TMEM135: variants seen among roughly 807,000 people sequenced by gnomAD.
TMEM135 encodes the protein transmembrane protein 135.
TMEM135 carries 30 observed loss-of-function variants against 60.3 expected under a neutral mutation model. The ratio of observed to expected loss-of-function variants is 0.50; its 90% confidence interval spans 0.37 to 0.68. The LOEUF (loss-of-function observed/expected upper bound fraction) is 0.68, where lower values mean the gene tolerates loss of function less well. Among genes scored for constraint, TMEM135 ranks in the 30% least tolerant of loss-of-function variants. The probability of loss-of-function intolerance (pLI) is 0.00; values close to 1 mark genes in which losing one functional copy is unlikely to be tolerated. For synonymous variants in TMEM135, 190 were observed against 186.7 expected (o/e 1.02, Z -0.14); for missense variants, 468 against 548.8 (o/e 0.85, Z 1.47).
rs987964153 is a variant in TMEM135 at position 87,322,448 on chromosome 11, G to A, written c.*1115G>A. 8.8e-6 allele frequency: 4 copies of A among 453,830 alleles called. No individual in the cohort carries two copies. Among genetic ancestry groups the A allele is most frequent in the African/African-American group, 6.0e-5 (3 of 49,970 alleles). 28.1% of individuals were successfully genotyped at this position (453,830 alleles called of 1,614,324 possible). A position where few individuals can be genotyped will look rare whatever the true frequency, so the allele number is the denominator to read the frequency against. On this transcript the variant is annotated 3_prime_UTR_variant, in exon 15 of 15. Coordinates refer to ENST00000305494, the MANE Select transcript of TMEM135 (RefSeq NM_022918.4). ...TAGAATAAAGAGGTGACACCATAAA[G>A]TCCTGCTGATAATGAGAGTAGTTCA...
intron 5 of TMEM135, among the ~76,000 whole-genome samples, chr11:87,214,311 T>A (rs1358157861): frequency 6.6e-6 from 1 of 152,206 alleles, no homozygotes; most frequent in Admixed American, 6.5e-5. Context: ...CCTGGTACCT[T>A]GCCAGTGCAA....
At chr11:87,136,745 A>G (rs918615708) in intron 4 of TMEM135, among the ~76,000 whole-genome samples, 4 of 151,938 alleles carry the variant, frequency 2.6e-5, no homozygotes, top group Admixed American at 2.0e-4. Context: ...CTTCCAAGCA[A>G]TTTGTCCATT....
At chr11:87,098,699 A>T (rs10898597) in intron 4 of TMEM135, among the ~76,000 whole-genome samples, 31,408 of 150,910 alleles carry the variant, frequency 0.21, 3,506 homozygotes, top group African/African-American at 0.28. Flanking sequence ...ATATATATAT[A>T]TTTTTTTGAG....
At chr11:87,071,488 G>A (rs1856772083) in intron 2 of TMEM135, 35 bp from the exon 3 acceptor site, 5 of 1,542,062 alleles carry the variant, frequency 3.2e-6, no homozygotes, top group Non-Finnish European at 4.5e-6. Flanking sequence ...GACCAACTAG[G>A]AATTTCATAC....
intron 6 of TMEM135, among the ~76,000 whole-genome samples, chr11:87,248,539 C>T (rs1190295646): frequency 6.6e-6 from 1 of 152,090 alleles, no homozygotes; most frequent in Non-Finnish European, 1.5e-5. Context: ...AATTTGAAGT[C>T]AGGTAATATG....
chr11:87,156,839 T>C (rs554819152), intron 4 of TMEM135, among the ~76,000 whole-genome samples: 1 of 152,218 alleles, frequency 6.6e-6, no homozygotes, highest in Non-Finnish European at 1.5e-5. Flanking sequence ...ACATTTGAAC[T>C]TAATTTTTGT....
chr11:87,236,230 G>C (rs549720436), intron 5 of TMEM135, among the ~76,000 whole-genome samples: 25 of 151,668 alleles, frequency 1.6e-4, no homozygotes, highest in African/African-American at 5.6e-4. Flanking sequence ...TATAAGTATT[G>C]CAATTTATTC....
chr11:87,295,025 G>T (rs956943326), intron 6 of TMEM135, among the ~76,000 whole-genome samples: 3 of 152,030 alleles, frequency 2.0e-5, no homozygotes, highest in Non-Finnish European at 4.4e-5. Context: ...CCAAATTCTG[G>T]AATTCTGACT....
intron 5 of TMEM135, chr11:87,178,488 T>C (rs1233097303): frequency 6.6e-6 from 3 of 455,934 alleles, no homozygotes; most frequent in African/African-American, 6.0e-5. Flanking sequence ...CAGGCTGGAG[T>C]GATTTCAGCT....
At chr11:87,083,495 C>A (rs1033616752) in intron 3 of TMEM135, among the ~76,000 whole-genome samples, 1 of 152,150 alleles carries the variant, frequency 6.6e-6, no homozygotes, top group South Asian at 2.1e-4. Flanking sequence ...ATATTTATTG[C>A]AAGCATACTC....
At chr11:87,315,030 T>A (rs1942704296) in intron 12 of TMEM135, among the ~76,000 whole-genome samples, 1 of 151,964 alleles carries the variant, frequency 6.6e-6, no homozygotes, top group Admixed American at 6.6e-5. Context: ...AGTTTATGTC[T>A]TCACTGATTA....
intron 5 of TMEM135, among the ~76,000 whole-genome samples, chr11:87,222,147 AG>A (rs1940634981): frequency 7.9e-6 from 1 of 127,350 alleles, no homozygotes; most frequent in Non-Finnish European, 1.6e-5. Flanking sequence ...GCGCCACTGC[AG>A]TCCGGCCTGG....
chr11:87,038,733 A>G (rs3133361), intron 1 of TMEM135, among the ~76,000 whole-genome samples: 49,476 of 150,848 alleles, frequency 0.33, 9,746 homozygotes, highest in East Asian at 0.58. Context: ...TGTTTTTGCA[A>G]GTTCACAGAA....
At position 87,298,786 on chromosome 11, in the gene TMEM135, C is replaced by CAAAAAAAAAAAA. The variant is rs59740138; in HGVS notation, c.551+2970_551+2981dup. 4.1e-3 allele frequency among the ~76,000 whole-genome samples: 234 copies of CAAAAAAAAAAAA among 57,668 alleles called. 19 individuals carry two copies. The highest frequency in any genetic ancestry group is 0.016 in the Middle Eastern group (1 of 64). 37.8% of individuals were successfully genotyped at this position (57,668 alleles called of 152,430 possible). Reference sequence around the variant, plus strand: ...TGGGTGACAGAGTGAGACTCTGTCTCAAAAAAAAAAAAAAAAAACAGCCGG... The same window carrying CAAAAAAAAAAAA: ...TGGGTGACAGAGTGAGACTCTGTCTCAAAAAAAAAAAAAAAAAAAAAAAAAAAAAACAGCCGG... On this transcript the variant is annotated intron_variant, in intron 7 of 14. Transcript: ENST00000305494.
chr11:87,154,901 G>A (rs1938648266), intron 4 of TMEM135, among the ~76,000 whole-genome samples: 1 of 152,278 alleles, frequency 6.6e-6, no homozygotes, highest in Non-Finnish European at 1.5e-5. Context: ...CAATTTGCAG[G>A]TGTTTTCTAT....
chr11:87,153,209 A>G (rs1938603495), intron 4 of TMEM135, among the ~76,000 whole-genome samples: 3 of 152,218 alleles, frequency 2.0e-5, no homozygotes. Context: ...TATTGAACAG[A>G]GGAACATGCA....
chr11:87,074,562 G>A (rs914493586), intron 3 of TMEM135, among the ~76,000 whole-genome samples: 7 of 152,110 alleles, frequency 4.6e-5, no homozygotes, highest in Non-Finnish European at 7.4e-5. Context: ...TTGCAGTTAT[G>A]TACCTACTTT....
At position 87,058,475 on chromosome 11, in the gene TMEM135, G is replaced by A. The variant is rs79806613; in HGVS notation, c.142-9219G>A. The stretch of plus-strand genomic sequence containing the variant: ...CTCCTGAGTTGCTAGAATTACAGGC[G>A]TGTGCCACCACACTCCACTAATTTT... On this transcript the variant is annotated intron_variant, in intron 1 of 14. Transcript: ENST00000305494. 7.2e-5 allele frequency among the ~76,000 whole-genome samples: 11 copies of A among 152,018 alleles called. No individual in the cohort carries two copies. The East Asian group carries it at 7.7e-4, about 11-fold the overall frequency.
At chr11:87,084,547 T>C (rs532930798) in intron 3 of TMEM135, among the ~76,000 whole-genome samples, 10 of 152,154 alleles carry the variant, frequency 6.6e-5, no homozygotes, top group Non-Finnish European at 1.2e-4. Flanking sequence ...TCCTCCTATC[T>C]TGGCCTCACA....
Sources: allele counts gnomAD v4.1 joint callset (sites outside exome capture counted in the v4.1 genomes callset), GRCh38; gene constraint gnomAD v4.1.1; transcripts MANE v1.5; gene names NCBI Gene and HGNC (gene_info 2026-07-23, HGNC 2026-07-21).